The following ADAMTS20 variants were observed in gnomAD, a reference collection of about 807,000 sequenced individuals.
The protein encoded by ADAMTS20 is A disintegrin and metalloproteinase with thrombospondin motifs 20.
A neutral mutation model predicts 260.1 loss-of-function variants in ADAMTS20; 225 were observed. The ratio of observed to expected loss-of-function variants is 0.87; its 90% CI spans 0.78 to 0.97. ADAMTS20 has a LOEUF of 0.97. Ranked by LOEUF, ADAMTS20 falls within the 50% of genes least tolerant of loss-of-function variation. ADAMTS20 has a pLI of 0.00. For missense variants in ADAMTS20, 2,400 were observed against 2,337.7 expected (o/e 1.03, Z -0.55); for synonymous variants, 802 against 769.5 (o/e 1.04, Z -0.70).
intron 3 of ADAMTS20, among the ~76,000 whole-genome samples, chr12:43,512,484 T>C (rs1942938791): frequency 6.6e-6 from 1 of 151,970 alleles, no homozygotes; most frequent in Admixed American, 6.6e-5. Context: ...AACATAAAAG[T>C]GTATGAAAAT....
intron 29 of ADAMTS20, among the ~76,000 whole-genome samples, chr12:43,388,373 CA>C (rs1940528969): frequency 6.6e-6 from 1 of 152,204 alleles, no homozygotes; most frequent in African/African-American, 2.4e-5. Context: ...ACTGTCTAAC[CA>C]GTGAGATGAA....
intron 3 of ADAMTS20, among the ~76,000 whole-genome samples, chr12:43,504,424 T>A (rs569874033): frequency 6.6e-6 from 1 of 152,296 alleles, no homozygotes; most frequent in East Asian, 1.9e-4. Context: ...TTAATATTGT[T>A]ATGTTCCTAG....
intron 29 of ADAMTS20, among the ~76,000 whole-genome samples, chr12:43,395,413 AC>A (rs1940679082): frequency 1.3e-5 from 2 of 152,196 alleles, no homozygotes; most frequent in African/African-American, 2.4e-5. Flanking sequence ...TGAAATATAG[AC>A]AATATGGAAT....
chr12:43,425,706 G>T lies in ADAMTS20; in HGVS notation c.4108-16C>A. On this transcript the variant is annotated splice_polypyrimidine_tract_variant and intron_variant, in intron 27 of 38. Transcript: ENST00000389420. ...TTTGTGAACACTAAAAACAAGAATA[G>T]GAAAATTCAAAACTGTGGTTTTAAA... 1 of 1,545,878 alleles carries T rather than the reference G, an allele frequency of 6.5e-7. No individual in the cohort carries two copies. The highest frequency in any genetic ancestry group is 1.2e-5 in the South Asian group (1 of 81,950).
chr12:43,452,169 G>GA, intron 14 of ADAMTS20, 105 bp downstream of exon 14: 1 of 1,236,278 alleles, frequency 8.1e-7, no homozygotes, highest in Admixed American at 2.8e-5. Flanking sequence ...GAATGCATAA[G>GA]AACATATGCT....
intron 28 of ADAMTS20, among the ~76,000 whole-genome samples, chr12:43,404,867 T>C (rs1940882340): frequency 6.6e-6 from 1 of 152,036 alleles, no homozygotes; most frequent in Non-Finnish European, 1.5e-5. Flanking sequence ...TCATACATGT[T>C]TCCTTCATAT....
At chr12:43,506,474 A>G (rs1338165532) in intron 3 of ADAMTS20, among the ~76,000 whole-genome samples, 1 of 151,578 alleles carries the variant, frequency 6.6e-6, no homozygotes, top group Non-Finnish European at 1.5e-5. Context: ...GGCAAACCTC[A>G]TGTTACCTTT....
intron 37 of ADAMTS20, among the ~76,000 whole-genome samples, 154 bp from the exon 38 acceptor site, chr12:43,356,742 G>A (rs1044898892): frequency 5.3e-5 from 8 of 152,136 alleles, no homozygotes; most frequent in Admixed American, 1.3e-4. Flanking sequence ...TCTATGATTC[G>A]ACAATTAGAA....
chr12:43,403,294 C>G (rs1310814820), intron 28 of ADAMTS20, among the ~76,000 whole-genome samples: 2 of 151,910 alleles, frequency 1.3e-5, no homozygotes, highest in Admixed American at 1.3e-4. Context: ...TTGTGGGAGT[C>G]TTCTTGATTA....
At chr12:43,490,470 G>A in intron 6 of ADAMTS20, 35 bp from the exon 7 acceptor site, 1 of 1,194,646 alleles carries the variant, frequency 8.4e-7, no homozygotes, top group Non-Finnish European at 1.1e-6. Flanking sequence ...AGCATTTTTG[G>A]AAAATATTTT....
Position 43,383,930 on chromosome 12 carries a change from G to GCAGT in ADAMTS20, c.4496_4499dup (p.Cys1500Ter). 8.1e-6 allele frequency: 13 copies of GCAGT among 1,613,866 alleles called. No individual in the cohort carries two copies. Among genetic ancestry groups the GCAGT allele is most frequent in the Non-Finnish European group, 1.1e-5 (13 of 1,179,866 alleles). ...CCACCTGACCAACACCTTTCAGTCTGCAGTATACATCCCTCTGCTGAACTC... is the reference window on the plus strand; with the variant it reads ...CCACCTGACCAACACCTTTCAGTCTGCAGTCAGTATACATCCCTCTGCTGAACTC... On this transcript the variant is annotated stop_gained and frameshift_variant, in exon 30 of 39. Coordinates refer to ENST00000389420, the MANE Select transcript of ADAMTS20 (RefSeq NM_025003.5). LOFTEE classifies it high-confidence loss of function.
intron 31 of ADAMTS20, among the ~76,000 whole-genome samples, chr12:43,379,776 C>T (rs529996984): frequency 1.3e-5 from 2 of 152,170 alleles, no homozygotes; most frequent in East Asian, 1.9e-4. Context: ...ACAACAAACC[C>T]TGGGGAGGAG....
At chr12:43,456,575 G>A (rs375128361) in intron 11 of ADAMTS20, among the ~76,000 whole-genome samples, 7 of 152,154 alleles carry the variant, frequency 4.6e-5, no homozygotes, top group Admixed American at 2.6e-4. Flanking sequence ...AATAGCACTC[G>A]AACATAAATT....
chr12:43,469,317 A>C (rs1326481077), intron 7 of ADAMTS20, among the ~76,000 whole-genome samples: 2 of 152,160 alleles, frequency 1.3e-5, no homozygotes, highest in African/African-American at 4.8e-5. Context: ...ATGTATTGCA[A>C]ATCAGGATAT....
At chr12:43,500,863 T>C (rs1044794430) in intron 4 of ADAMTS20, among the ~76,000 whole-genome samples, 1 of 152,070 alleles carries the variant, frequency 6.6e-6, no homozygotes, top group African/African-American at 2.4e-5. Flanking sequence ...AGAAAAATGA[T>C]TGTCTCTTAT....
At chr12:43,461,541 A>G (rs1441081299) in intron 11 of ADAMTS20, among the ~76,000 whole-genome samples, 6 of 152,216 alleles carry the variant, frequency 3.9e-5, no homozygotes, top group Non-Finnish European at 7.3e-5. Flanking sequence ...CGAGCAATCA[A>G]TCCTGAAGGT....
intron 7 of ADAMTS20, 118 bp from the exon 8 acceptor site, chr12:43,468,823 G>A (rs1942201826): frequency 1.7e-6 from 1 of 586,696 alleles, no homozygotes; most frequent in Non-Finnish European, 2.9e-6. Flanking sequence ...TGCAGAATTG[G>A]CTGTTAATAT....
chr12:43,551,952 G>T lies in ADAMTS20; in HGVS notation c.-31C>A. 6.3e-7 allele frequency: 1 copy of T among 1,589,258 alleles called. No individual in the cohort carries two copies. Among genetic ancestry groups the T allele is most frequent in the Non-Finnish European group, 8.6e-7 (1 of 1,159,686 alleles). On this transcript the variant is annotated 5_prime_UTR_variant, in exon 1 of 39. Transcript: ENST00000389420. The surrounding 1 kb of genome is among the most constrained non-coding windows in gnomAD (Gnocchi z 4.6). ...CACCCTGGGGACCCCGATCGGGGAG[G>T]CCCACCAGAGCCGCCGGCAGCCAAG... is the stretch of plus-strand genomic sequence containing the variant.
intron 28 of ADAMTS20, chr12:43,423,798 A>G: frequency 4.3e-6 from 3 of 703,364 alleles, no homozygotes; most frequent in Non-Finnish European, 7.8e-6. Context: ...TGCCTAGGAT[A>G]TAGTAGATGG....
Sources: gnomAD v4.1 joint callset for allele counts (sites outside exome capture counted in the v4.1 genomes callset) on GRCh38, gnomAD v4.1.1 for gene constraint, Gnocchi (gnomAD v3.1) non-coding constraint, MANE v1.5 for transcripts, NCBI Gene and HGNC (gene_info 2026-07-23, HGNC 2026-07-21) for gene names.